GNAQ: variants seen among roughly 807,000 people sequenced by gnomAD.
The protein encoded by GNAQ is guanine nucleotide-binding protein G(q) subunit alpha.
A neutral mutation model predicts 43.9 loss-of-function variants in GNAQ; 8 were observed. The observed-to-expected ratio is 0.18, with a 90% confidence interval of 0.11 to 0.33. GNAQ has a LOEUF of 0.33. Among genes scored for constraint, GNAQ ranks in the 10% least tolerant of loss-of-function variants. The pLI is 1.00. For synonymous variants in GNAQ, 155 were observed against 170.7 expected, an observed-to-expected ratio of 0.91 and a Z score of 0.71; for missense variants, 158 against 450.8, an observed-to-expected ratio of 0.35 and a Z score of 5.88.
At chr9:78,006,276 A>T (rs1823705230) in intron 1 of GNAQ, among the ~76,000 whole-genome samples, 1 of 152,220 alleles carries the variant, frequency 6.6e-6, no homozygotes, top group South Asian at 2.1e-4. Context: ...GATAAGAAAT[A>T]TAATTACCTA....
At position 77,853,994 on chromosome 9, in the gene GNAQ, C is replaced by T. The variant is rs573227047; in HGVS notation, c.322-38224G>A. Among the ~76,000 whole-genome samples, 347 of 152,126 alleles carry T rather than the reference C, an allele frequency of 2.3e-3. 1 individual carries two copies. Among genetic ancestry groups the T allele is most frequent in the African/African-American group, 7.8e-3 (323 of 41,524 alleles). ...GCTATAGGAAAAAATGAGTTAGGGG[C>T]TCAAACTATTTTTGATCCTAAGTTG... On this transcript the variant is annotated intron_variant, in intron 2 of 6. Transcript: ENST00000286548.
intron 5 of GNAQ, among the ~76,000 whole-genome samples, chr9:77,775,466 G>C (rs1826292893): frequency 7.0e-6 from 1 of 143,228 alleles, no homozygotes; most frequent in Non-Finnish European, 1.5e-5. Flanking sequence ...CTGGAGTACA[G>C]TGGCGTGATA....
chr9:77,846,638 C>A (rs1191549540), intron 2 of GNAQ, among the ~76,000 whole-genome samples: 1 of 152,080 alleles, frequency 6.6e-6, no homozygotes, highest in Non-Finnish European at 1.5e-5. Context: ...TTATTTTCTC[C>A]TTTATGTGAG....
intron 2 of GNAQ, among the ~76,000 whole-genome samples, chr9:77,906,782 T>C (rs576843681): frequency 8.5e-5 from 13 of 152,330 alleles, no homozygotes; most frequent in Admixed American, 7.8e-4. Flanking sequence ...GATTACACAG[T>C]ACAACTCCAA....
At chr9:77,834,570 A>G (rs925116543) in intron 2 of GNAQ, among the ~76,000 whole-genome samples, 2 of 152,168 alleles carry the variant, frequency 1.3e-5, no homozygotes, top group African/African-American at 2.4e-5. Flanking sequence ...ATCATATTCT[A>G]TAAACCTGAT....
At chr9:77,899,421 TTGTC>T (rs1413117980) in intron 2 of GNAQ, among the ~76,000 whole-genome samples, 2 of 151,962 alleles carry the variant, frequency 1.3e-5, no homozygotes, top group African/African-American at 2.4e-5. Context: ...GTGCATGTGT[TTGTC>T]TGTGTGTGTG....
intron 3 of GNAQ, among the ~76,000 whole-genome samples, chr9:77,804,893 TAAG>T (rs1360475887): frequency 2.0e-5 from 3 of 152,096 alleles, no homozygotes; most frequent in African/African-American, 4.8e-5. Flanking sequence ...TTAAAAAAAT[TAAG>T]AAGACCTCAT....
chr9:77,765,565 C>T (rs1483786430), intron 5 of GNAQ, among the ~76,000 whole-genome samples: 2 of 152,100 alleles, frequency 1.3e-5, no homozygotes, highest in African/African-American at 4.8e-5. Context: ...CGATGAGATA[C>T]CACATTCATT....
intron 1 of GNAQ, among the ~76,000 whole-genome samples, chr9:77,952,875 T>C (rs879628245): frequency 1.3e-5 from 2 of 152,254 alleles, no homozygotes; most frequent in Non-Finnish European, 2.9e-5. Flanking sequence ...TGGGAAAACA[T>C]GAAAAACACT....
At chr9:77,827,634 CCTCTT>C (rs1213029230) in intron 2 of GNAQ, among the ~76,000 whole-genome samples, 1 of 151,994 alleles carries the variant, frequency 6.6e-6, no homozygotes, top group East Asian at 1.9e-4. Context: ...CTCTTACTAA[CCTCTT>C]CTGTGTTTGC....
chr9:77,901,019 A>G (rs553106480), intron 2 of GNAQ, among the ~76,000 whole-genome samples: 1 of 152,268 alleles, frequency 6.6e-6, no homozygotes, highest in African/African-American at 2.4e-5. Context: ...AGAACCAAAC[A>G]AGCAAACCAA....
chr9:77,738,309 G>A (rs957946925), intron 5 of GNAQ, among the ~76,000 whole-genome samples: 120 of 112,198 alleles, frequency 1.1e-3, no homozygotes, highest in Non-Finnish European at 2.2e-3. Context: ...TTAATAGCAC[G>A]CTACAAACCA....
At chr9:77,972,436 C>A in intron 1 of GNAQ, among the ~76,000 whole-genome samples, 1 of 151,584 alleles carries the variant, frequency 6.6e-6, no homozygotes, top group Non-Finnish European at 1.5e-5. Flanking sequence ...GTTCACAAAA[C>A]AAATGCAAGT....
At chr9:77,932,025 AAATT>A (rs1205076546) in intron 1 of GNAQ, among the ~76,000 whole-genome samples, 3 of 152,242 alleles carry the variant, frequency 2.0e-5, no homozygotes, top group Admixed American at 6.5e-5. Context: ...TTAAAAGTCA[AAATT>A]AATACCCAAA....
At chr9:77,884,026 G>T (rs1227548979) in intron 2 of GNAQ, among the ~76,000 whole-genome samples, 1 of 152,322 alleles carries the variant, frequency 6.6e-6, no homozygotes. Flanking sequence ...GAAATGGAGG[G>T]AGAATTCTCT....
At chr9:77,747,716 C>T (rs1008345851) in intron 5 of GNAQ, among the ~76,000 whole-genome samples, 1 of 152,130 alleles carries the variant, frequency 6.6e-6, no homozygotes, top group African/African-American at 2.4e-5. Context: ...ACCCATAGCA[C>T]CAGCTAGACA....
rs370012144 is a variant in GNAQ, at chr9:77,889,713, A to G, written c.321+32448T>C. Reference sequence around the variant, plus strand: ...CTTCCCTTTATTATCACAGTCTCTAATGAGTCCTGCCCACTGTATTCAATT... The same window carrying G: ...CTTCCCTTTATTATCACAGTCTCTAGTGAGTCCTGCCCACTGTATTCAATT... On this transcript the variant is annotated intron_variant, in intron 2 of 6. Transcript: ENST00000286548. Among the ~76,000 whole-genome samples the G allele has an allele frequency of 2.6e-5, 4 of 152,246 alleles. No homozygotes were observed. In the South Asian group the frequency reaches 6.2e-4, roughly 24 times the overall value.
At chr9:77,827,570 T>C (rs1455484192) in intron 2 of GNAQ, among the ~76,000 whole-genome samples, 2 of 152,044 alleles carry the variant, frequency 1.3e-5, no homozygotes, top group Admixed American at 6.6e-5. Context: ...GATAACATTC[T>C]GATCTTCACT....
intron 1 of GNAQ, among the ~76,000 whole-genome samples, chr9:77,997,243 A>G (rs1006410829): frequency 6.6e-6 from 1 of 152,244 alleles, no homozygotes; most frequent in Non-Finnish European, 1.5e-5. Context: ...GGTAACTTCT[A>G]TGAGTATTCT....
Sources: gnomAD v4.1 joint callset for allele counts (sites outside exome capture counted in the v4.1 genomes callset) on GRCh38, gnomAD v4.1.1 for gene constraint, MANE v1.5 for transcripts, NCBI Gene and HGNC (gene_info 2026-07-23, HGNC 2026-07-21) for gene names.